Variants in RGSL1 observed in about 807,000 individuals in gnomAD.
The protein encoded by RGSL1 is regulator of G protein signaling like 1.
Under a neutral mutation model 124.7 loss-of-function variants are expected in RGSL1, and 97 were observed. The ratio of observed to expected loss-of-function variants is 0.78; its 90% CI spans 0.66 to 0.92. The LOEUF is 0.92. Among genes scored for constraint, RGSL1 ranks in the 40% least tolerant of loss-of-function variants. The pLI is 0.00. For synonymous variants in RGSL1, 424 were observed against 438.1 expected (o/e 0.97, Z 0.40); for missense variants, 1,233 against 1,288.4 (o/e 0.96, Z 0.66).
chr1:182,552,751 T>C, intron 18 of RGSL1, among the ~76,000 whole-genome samples: 1 of 152,156 alleles, frequency 6.6e-6, no homozygotes, highest in Non-Finnish European at 1.5e-5. Flanking sequence ...GGCAAAGGGC[T>C]TTACGCTGCA....
intron 9 of RGSL1, among the ~76,000 whole-genome samples, chr1:182,508,237 C>A (rs1466806403): frequency 6.8e-6 from 1 of 146,606 alleles, no homozygotes; most frequent in Non-Finnish European, 1.5e-5. Flanking sequence ...AGGACGAGAT[C>A]ATATCGCATT....
Position 182,473,940 on chromosome 1 carries a change from A to G in RGSL1, c.829A>G (p.Met277Val). 8 of 1,552,072 alleles carry G rather than the reference A, an allele frequency of 5.2e-6. No individual in the cohort carries two copies. The highest frequency in any genetic ancestry group is 7.0e-6 in the Non-Finnish European group (8 of 1,147,058). The change falls in exon 6 of 22, where the codon ATG (methionine) becomes GTG (valine). Residue 277 changes from methionine (M) to valine (V), a missense_variant. Transcript: ENST00000294854. ...EMDLKPDAIG[M>V]PLQETCPQEK... ...GGATCTCAAGCCAGATGCTATTGGTATGCCCCTACAGGAGACATGTCCTCA... is the reference window on the plus strand; with the variant it reads ...GGATCTCAAGCCAGATGCTATTGGTGTGCCCCTACAGGAGACATGTCCTCA...
At chr1:182,508,208 A>T (rs1258818852) in intron 9 of RGSL1, among the ~76,000 whole-genome samples, 1 of 150,990 alleles carries the variant, frequency 6.6e-6, no homozygotes, top group African/African-American at 2.4e-5. Flanking sequence ...CATCTTTTTG[A>T]TAAAAAGCCA....
intron 4 of RGSL1, among the ~76,000 whole-genome samples, chr1:182,466,857 T>C (rs1418921011): frequency 6.6e-6 from 1 of 152,136 alleles, no homozygotes; most frequent in Non-Finnish European, 1.5e-5. Context: ...CAAACAGCCA[T>C]AACAATTTTG....
chr1:182,471,833 C>A (rs957307891), intron 4 of RGSL1, among the ~76,000 whole-genome samples: 3 of 152,184 alleles, frequency 2.0e-5, no homozygotes, highest in Non-Finnish European at 2.9e-5. Flanking sequence ...CTGGCTGACA[C>A]TCCAGCTCAA....
At chr1:182,486,330 A>AG (rs1655096148) in intron 6 of RGSL1, among the ~76,000 whole-genome samples, 1 of 121,006 alleles carries the variant, frequency 8.3e-6, no homozygotes, top group Admixed American at 8.6e-5. Context: ...TTTTTTTTTG[A>AG]GAAAAAGTCT....
chr1:182,521,394 G>T (rs1658327265), intron 9 of RGSL1, among the ~76,000 whole-genome samples: 1 of 152,206 alleles, frequency 6.6e-6, no homozygotes, highest in African/African-American at 2.4e-5. Context: ...TGATATATTT[G>T]GGAGAATAAT....
At chr1:182,463,010 C>T (rs1367110341) in intron 4 of RGSL1, among the ~76,000 whole-genome samples, 1 of 152,106 alleles carries the variant, frequency 6.6e-6, no homozygotes, top group Non-Finnish European at 1.5e-5. Flanking sequence ...TAAATTACTT[C>T]AGGCTGGGCG....
intron 6 of RGSL1, among the ~76,000 whole-genome samples, chr1:182,481,950 G>T (rs927059021): frequency 5.9e-5 from 9 of 152,130 alleles, no homozygotes; most frequent in African/African-American, 2.2e-4. Flanking sequence ...ATGCCAGCCT[G>T]GTGACAGGCA....
At position 182,485,905 on chromosome 1, in the gene RGSL1, C is replaced by G. The variant is rs1183537662; in HGVS notation, c.1432-2380C>G. On this transcript the variant is annotated intron_variant, in intron 6 of 21. Coordinates refer to ENST00000294854, the MANE Select transcript of RGSL1 (RefSeq NM_001137669.2). ...GTCCATAAATAAAGTTTTATTGCAA[C>G]AAAACTGTGCCCGTTTGTTTACATA... Among the ~76,000 whole-genome samples the G allele has an allele frequency of 3.3e-5, 5 of 152,286 alleles. No homozygotes were observed. The East Asian group carries it at 9.6e-4, about 29-fold the overall frequency.
chr1:182,486,058 C>T (rs1235257613), intron 6 of RGSL1, among the ~76,000 whole-genome samples: 2 of 152,162 alleles, frequency 1.3e-5, no homozygotes, highest in African/African-American at 4.8e-5. Context: ...GCATCACACA[C>T]TGCTCTGAGA....
At chr1:182,490,896 A>G (rs1232394394) in intron 8 of RGSL1, among the ~76,000 whole-genome samples, 2 of 149,662 alleles carry the variant, frequency 1.3e-5, no homozygotes, top group Non-Finnish European at 3.0e-5. Context: ...CTCACAGAGT[A>G]CCAGAGCTAG....
intron 9 of RGSL1, among the ~76,000 whole-genome samples, chr1:182,501,659 G>A: frequency 6.6e-6 from 1 of 151,950 alleles, no homozygotes. Flanking sequence ...GATTTGATAT[G>A]TTCACGTTGT....
At chr1:182,519,639 A>G (rs1658177880) in intron 9 of RGSL1, among the ~76,000 whole-genome samples, 1 of 152,016 alleles carries the variant, frequency 6.6e-6, no homozygotes, top group African/African-American at 2.4e-5. Context: ...ATTTTCAGTT[A>G]TTATCTCCTT....
chr1:182,493,480 C>T (rs1391901517), intron 9 of RGSL1, among the ~76,000 whole-genome samples: 2 of 152,070 alleles, frequency 1.3e-5, no homozygotes, highest in East Asian at 3.8e-4. Flanking sequence ...TTAAGGAGTG[C>T]TCTTGGGAAT....
intron 9 of RGSL1, among the ~76,000 whole-genome samples, chr1:182,503,375 A>C (rs1176545724): frequency 6.6e-6 from 1 of 152,186 alleles, no homozygotes; most frequent in Non-Finnish European, 1.5e-5. Context: ...CCTATACACA[A>C]TGGAATACTA....
chr1:182,475,622 A>G (rs544782272), intron 6 of RGSL1, among the ~76,000 whole-genome samples: 14 of 152,216 alleles, frequency 9.2e-5, no homozygotes, highest in African/African-American at 3.4e-4. Flanking sequence ...TGAGGGATAT[A>G]ACTAGTTCAC....
chr1:182,515,171 C>G (rs1227880227), intron 9 of RGSL1, among the ~76,000 whole-genome samples: 1 of 152,120 alleles, frequency 6.6e-6, no homozygotes, highest in Non-Finnish European at 1.5e-5. Context: ...AGGAATTGTT[C>G]GCACTCACCT....
At chr1:182,522,325 A>C (rs1658408308) in intron 10 of RGSL1, among the ~76,000 whole-genome samples, 3 of 152,206 alleles carry the variant, frequency 2.0e-5, no homozygotes, top group Admixed American at 2.0e-4. Context: ...ATAACTTTTC[A>C]AACTTAAACT....
Sources: gnomAD v4.1 joint callset for allele counts (sites outside exome capture counted in the v4.1 genomes callset) on GRCh38, gnomAD v4.1.1 for gene constraint, MANE v1.5 for transcripts, NCBI Gene and HGNC (gene_info 2026-07-23, HGNC 2026-07-21) for gene names.